NFATC4: variants seen among roughly 807,000 people sequenced by gnomAD.
The protein encoded by NFATC4 is nuclear factor of activated T cells 4, also known as nuclear factor of activated T-cells, cytoplasmic 4.
A neutral mutation model predicts 73.4 loss-of-function variants in NFATC4; 25 were observed. The ratio of observed to expected loss-of-function variants is 0.34; its 90% CI spans 0.25 to 0.48. The LOEUF (loss-of-function observed/expected upper bound fraction) is 0.48. Ranked by LOEUF, NFATC4 falls within the 20% of genes least tolerant of loss-of-function variation. The pLI is 0.99. For missense variants in NFATC4, 1,130 were observed against 1,203.7 expected (o/e 0.94, Z 0.91); for synonymous variants, 523 against 510.3 (o/e 1.02, Z -0.34).
chr14:24,366,989 G>A (rs2042326315), upstream of NFATC4: 6 of 1,598,130 alleles, frequency 3.8e-6, no homozygotes, highest in Admixed American at 8.5e-5. Context: ...GCCCTGAACC[G>A]GAGGGATTTA....
chr14:24,367,369 G>A, upstream of NFATC4: 2 of 1,536,138 alleles, frequency 1.3e-6, no homozygotes, highest in Non-Finnish European at 1.7e-6. Context: ...ATTCATTCCA[G>A]ACTACAGTTC....
Position 24,376,675 on chromosome 14 carries a change from C to G in NFATC4, c.2438C>G (p.Pro813Arg). Residue 813 changes from proline to arginine, a missense_variant, in exon 9 of 10, where the codon CCG becomes CGG. Physicochemically the swap from Pro to Arg is moderately radical, Grantham distance 103 (BLOSUM62 -2). Transcript: ENST00000250373. The surrounding 1 kb of genome is among the most constrained non-coding windows in gnomAD (Gnocchi z 5.0). ...LPFSPPAPFR[P>R]PPLPASPPLE... ...TTCTCTCCGCCAGCCCCCTTTCGGC[C>G]GCCTCCTCTTCCTGCATCCCCACCG... 1 of 1,613,576 alleles carries G rather than the reference C, an allele frequency of 6.2e-7. No homozygotes were observed. Among genetic ancestry groups the G allele is most frequent in the South Asian group, 1.1e-5 (1 of 91,050 alleles).
chr14:24,370,271 G>A lies in NFATC4; in HGVS notation c.873G>A (p.Gly291=). The change falls in exon 2 of 10, where the codon GGG becomes GGA. Residue 291 remains glycine (G), a synonymous_variant. Transcript: ENST00000250373. The stretch of plus-strand genomic sequence containing the variant: ...CTCTGTCCCGCCGTGGCAGCCTGGG[G>A]GAAGAGGGGTCTGAGCCACCTCCAC... The part of the protein sequence containing the change: ...SPALSRRGSL[G]EEGSEPPPPP... 3 of 1,612,750 alleles carry A rather than the reference G, an allele frequency of 1.9e-6. No homozygotes were observed. The highest frequency in any genetic ancestry group is 2.2e-5 in the East Asian group (1 of 44,862).
upstream of NFATC4, chr14:24,367,791 T>G (rs913185602): frequency 7.4e-7 from 1 of 1,344,108 alleles, no homozygotes; most frequent in Non-Finnish European, 9.8e-7. Flanking sequence ...ATCTACACAG[T>G]CTTCAGAATT....
In NFATC4 at chr14:24,372,532, C is replaced by T. The variant is rs1324725522; in HGVS notation, c.1288C>T (p.Arg430Trp). The T allele has an allele frequency of 1.9e-6, 3 of 1,614,114 alleles. No individual in the cohort carries two copies. The highest frequency in any genetic ancestry group is 2.5e-6 in the Non-Finnish European group (3 of 1,180,038). Residue 430 changes from arginine (R) to tryptophan (W), a missense_variant, in exon 3 of 10, where the codon CGG becomes TGG. Arg to Trp is a moderately radical substitution (Grantham distance 101). Transcript: ENST00000250373. ...RIEVQPRAHH[R>W]AHYETEGSRG... Reference sequence around the variant, plus strand: ...CGAGGTACAGCCTAGAGCCCACCACCGGGCCCACTATGAGACAGAAGGCAG... The same window carrying T: ...CGAGGTACAGCCTAGAGCCCACCACTGGGCCCACTATGAGACAGAAGGCAG...
At position 24,369,974 on chromosome 14, in the gene NFATC4, T is replaced by C. The variant is rs2042425539; in HGVS notation, c.576T>C (p.Tyr192=). 5 of 1,612,824 alleles carry C rather than the reference T, an allele frequency of 3.1e-6. No individual in the cohort carries two copies. Among genetic ancestry groups the C allele is most frequent in the Non-Finnish European group, 4.2e-6 (5 of 1,179,980 alleles). Residue 192 remains tyrosine (Y), a synonymous_variant, in exon 2 of 10, where the codon TAT becomes TAC. Coordinates refer to ENST00000250373, the MANE Select transcript of NFATC4 (RefSeq NM_004554.5). Reference sequence around the variant, plus strand: ...ATGCCTCTGACGAGGCAGCCCTGTATGCAGCCTGCGACGAGGTGGAGTCTG... The same window carrying C: ...ATGCCTCTGACGAGGCAGCCCTGTACGCAGCCTGCGACGAGGTGGAGTCTG... ...FSDASDEAAL[Y]AACDEVESEL...
At chr14:24,371,800 C>T (rs2042480025) in intron 2 of NFATC4, 2 of 152,326 alleles carry the variant, frequency 1.3e-5, no homozygotes, top group African/African-American at 4.8e-5. Flanking sequence ...AATCCTCCTG[C>T]CTCAGCAGGA....
In NFATC4 at chr14:24,370,184, T is replaced by C; in HGVS notation, c.786T>C (p.Pro262=). 1 of 1,606,570 alleles carries C rather than the reference T, an allele frequency of 6.2e-7. No homozygotes were observed. ...APGPTPASPR[P]ASPCGKRRYS... ...GGCCCACCCCAGCCTCCCCGCGGCC[T>C]GCCTCTCCATGTGGCAAGCGGCGCT... The change falls in exon 2 of 10, where the codon CCT becomes CCC. Residue 262 remains proline, a synonymous_variant. Transcript: ENST00000250373.
chr14:24,374,169 A>T lies in NFATC4; in HGVS notation c.1733-157A>T, dbSNP rs778018611. 8 of 991,612 alleles carry T rather than the reference A, an allele frequency of 8.1e-6. No homozygotes were observed. The African/African-American group carries it at 1.3e-4, about 16-fold the overall frequency. 61.4% of individuals were successfully genotyped at this position (991,612 alleles called of 1,614,324 possible). ...CTGGGAGCGGCCCCTTACATGGTGT[A>T]TGTGACTCCATGGATATTACTGGTT... On this transcript the variant is annotated intron_variant, in intron 5 of 9. Transcript: ENST00000250373.
intron 6 of NFATC4, 143 bp from the exon 7 acceptor site, chr14:24,375,517 T>G: frequency 1.4e-6 from 1 of 737,398 alleles, no homozygotes; most frequent in Non-Finnish European, 2.3e-6. Context: ...TAAGTTAACA[T>G]GCAGTGGGCT....
intron 1 of NFATC4, chr14:24,369,004 G>GC: frequency 8.8e-7 from 1 of 1,139,180 alleles, no homozygotes; most frequent in Non-Finnish European, 1.1e-6. Context: ...CTGCACCTCC[G>GC]CCCCTAGATG....
chr14:24,367,362 C>G (rs1006359015), upstream of NFATC4: 3 of 1,536,126 alleles, frequency 2.0e-6, no homozygotes, highest in African/African-American at 4.1e-5. Context: ...GTCAGAGATT[C>G]ATTCCAGACT....
Position 24,377,537 on chromosome 14 carries a change from C to T in NFATC4, c.2642-101C>T, listed in dbSNP as rs2042658359. 3.2e-6 allele frequency: 5 copies of T among 1,578,298 alleles called. No individual in the cohort carries two copies. The highest frequency in any genetic ancestry group is 1.4e-5 in the African/African-American group (1 of 73,920). On this transcript the variant is annotated intron_variant, in intron 9 of 9. Transcript: ENST00000250373. This position sits in a 1 kb window ranked among gnomAD's most constrained non-coding sequence, Gnocchi z 4.2. The stretch of plus-strand genomic sequence containing the variant: ...AGCCAGTAGAGGAGGAATCTAGAGG[C>T]CTCCTAGATTAAGACCTGCCTGGAA...
chr14:24,377,595 G>A lies in NFATC4; in HGVS notation c.2642-43G>A, dbSNP rs2042660295. ...GGGGTGGGTCTTTGGAAAAGGAGGG[G>A]ACCCACCTCTAGCCCAGTCTCTCAA... On this transcript the variant is annotated intron_variant, in intron 9 of 9. Coordinates refer to ENST00000250373, the MANE Select transcript of NFATC4 (RefSeq NM_004554.5). The surrounding 1 kb of genome is among the most constrained non-coding windows in gnomAD (Gnocchi z 4.2). The A allele has an allele frequency of 1.2e-6, 2 of 1,613,594 alleles. No homozygotes were observed. Among genetic ancestry groups the A allele is most frequent in the African/African-American group, 2.7e-5 (2 of 74,870 alleles).
upstream of NFATC4, chr14:24,368,127 A>C (rs1002703306): frequency 1.3e-5 from 14 of 1,085,292 alleles, no homozygotes; most frequent in African/African-American, 2.4e-4. Flanking sequence ...AATCAGGGAC[A>C]GGCTGGGGGG....
At position 24,377,389 on chromosome 14, in the gene NFATC4, G is replaced by A; in HGVS notation, c.2642-249G>A. 7.3e-7 allele frequency: 1 copy of A among 1,371,508 alleles called. No individual in the cohort carries two copies. The highest frequency in any genetic ancestry group is 9.4e-7 in the Non-Finnish European group (1 of 1,063,442). 85.0% of individuals were successfully genotyped at this position (1,371,508 alleles called of 1,614,324 possible). On this transcript the variant is annotated intron_variant, in intron 9 of 9. Coordinates refer to ENST00000250373, the MANE Select transcript of NFATC4 (RefSeq NM_004554.5). This position sits in a 1 kb window ranked among gnomAD's most constrained non-coding sequence, Gnocchi z 4.2. ...TGATACCGATTCCCCTGACATTTCA[G>A]GCTAAGCCAGCAGGAAAGGGCTAGG...
intron 1 of NFATC4, chr14:24,369,240 C>T (rs909931803): frequency 1.2e-5 from 19 of 1,536,932 alleles, no homozygotes; most frequent in Non-Finnish European, 1.7e-5. Context: ...GGACCCACCT[C>T]TCTCACCTTA....
At position 24,373,820 on chromosome 14, in the gene NFATC4, G is replaced by T. The variant is rs779325479; in HGVS notation, c.1685G>T (p.Gly562Val). Residue 562 changes from glycine to valine, a missense_variant, in exon 5 of 10, where the codon GGC becomes GTC. Gly to Val is a moderately radical substitution (Grantham distance 109). Coordinates refer to ENST00000250373, the MANE Select transcript of NFATC4 (RefSeq NM_004554.5). The surrounding 1 kb of genome is among the most constrained non-coding windows in gnomAD (Gnocchi z 4.7). The stretch of plus-strand genomic sequence containing the variant: ...TTCCGGGTACACGTGCCCCAGGGCG[G>T]CGGGAAGGTCGTCTCAGTACAGGCA... ...LVFRVHVPQG[G>V]GKVVSVQAAS... 15 of 1,613,986 alleles carry T rather than the reference G, an allele frequency of 9.3e-6. No homozygotes were observed. The highest frequency in any genetic ancestry group is 1.3e-5 in the Non-Finnish European group (15 of 1,180,040).
upstream of NFATC4, chr14:24,367,623 C>T (rs1239346034): frequency 6.5e-7 from 1 of 1,536,164 alleles, no homozygotes; most frequent in Non-Finnish European, 8.7e-7. Flanking sequence ...AGCGCAAAGA[C>T]TTCCAGAAGG....
Sources: gnomAD v4.1 joint callset for allele counts on GRCh38, gnomAD v4.1.1 for gene constraint, Gnocchi (gnomAD v3.1) non-coding constraint, MANE v1.5 for transcripts, NCBI Gene and HGNC (gene_info 2026-07-23, HGNC 2026-07-21) for gene names.